RRAGD: variants seen among roughly 807,000 people sequenced by gnomAD.
RRAGD encodes Ras related GTP binding D.
Under a neutral mutation model 35.5 loss-of-function variants are expected in RRAGD, and 12 were observed. The ratio of observed to expected loss-of-function variants is 0.34; its 90% CI spans 0.22 to 0.55. RRAGD has a LOEUF of 0.55. Among genes scored for constraint, RRAGD ranks in the 20% least tolerant of loss-of-function variants. RRAGD has a pLI of 0.91. For synonymous variants in RRAGD, 155 were observed against 178.9 expected, an observed-to-expected ratio of 0.87 and a Z score of 1.07; for missense variants, 324 against 490.1, an observed-to-expected ratio of 0.66 and a Z score of 3.20.
chr6:89,398,854 GCTGT>G (rs1372680256), intron 1 of RRAGD, among the ~76,000 whole-genome samples: 2 of 152,088 alleles, frequency 1.3e-5, no homozygotes, highest in Non-Finnish European at 1.5e-5. Context: ...CCACCAATCA[GCTGT>G]CTGTCACATT....
chr6:89,401,937 T>TCTTTGAAG (rs1402037256), intron 1 of RRAGD, among the ~76,000 whole-genome samples: 14 of 151,864 alleles, frequency 9.2e-5, no homozygotes, highest in Middle Eastern at 3.4e-3. Flanking sequence ...TCAATACATA[T>TCTTTGAAG]CTTTGAAGAA....
intron 1 of RRAGD, among the ~76,000 whole-genome samples, chr6:89,394,626 A>G (rs1021488234): frequency 1.3e-5 from 2 of 152,250 alleles, no homozygotes; most frequent in African/African-American, 4.8e-5. Flanking sequence ...CAATGTAATC[A>G]GCAATGGAAA....
chr6:89,399,474 G>A (rs2127895798), intron 1 of RRAGD, among the ~76,000 whole-genome samples: 1 of 152,278 alleles, frequency 6.6e-6, no homozygotes. Context: ...TAGGGTGTAT[G>A]GAAATACGCT....
intron 1 of RRAGD, among the ~76,000 whole-genome samples, chr6:89,398,655 A>G (rs897867275): frequency 2.0e-5 from 3 of 152,278 alleles, no homozygotes; most frequent in Non-Finnish European, 2.9e-5. Context: ...ACTCATGGCT[A>G]TCATGTATGA....
intron 3 of RRAGD, 69 bp downstream of exon 3, chr6:89,380,099 G>A: frequency 4.9e-6 from 7 of 1,417,548 alleles, no homozygotes; most frequent in Non-Finnish European, 7.0e-6. Context: ...GCCAATCATG[G>A]TGACTCCGAA....
At chr6:89,392,241 A>C (rs1236074984) in intron 1 of RRAGD, among the ~76,000 whole-genome samples, 1 of 152,148 alleles carries the variant, frequency 6.6e-6, no homozygotes, top group Non-Finnish European at 1.5e-5. Context: ...TGGAAGGCTG[A>C]GGTGGGAGGA....
At chr6:89,390,620 G>A (rs1769215703) in intron 1 of RRAGD, among the ~76,000 whole-genome samples, 1 of 152,200 alleles carries the variant, frequency 6.6e-6, no homozygotes, top group Non-Finnish European at 1.5e-5. Flanking sequence ...AACATAGGCT[G>A]GGCATGGTGG....
chr6:89,387,695 C>T (rs1582513637), intron 1 of RRAGD, 105 bp from the exon 2 acceptor site: 2 of 1,110,824 alleles, frequency 1.8e-6, no homozygotes, highest in Non-Finnish European at 2.6e-6. Context: ...ACAGATGATG[C>T]CACTCTTCCA....
chr6:89,411,642 C>T lies in RRAGD; in HGVS notation c.148+204G>A, dbSNP rs1769695700. ...TCCCCTTTTCCACCGATCCTGGTTG[C>T]CCCTCCGCCACCAGCACCGCGCTCC... On this transcript the variant is annotated intron_variant, in intron 1 of 6. Coordinates refer to ENST00000369415, the MANE Select transcript of RRAGD (RefSeq NM_021244.5). This position sits in a 1 kb window ranked among gnomAD's most constrained non-coding sequence, Gnocchi z 5.6. The T allele has an allele frequency of 3.4e-6, 2 of 591,458 alleles. No homozygotes were observed. Among genetic ancestry groups the T allele is most frequent in the Non-Finnish European group, 5.9e-6 (2 of 341,828 alleles). 36.6% of individuals were successfully genotyped at this position (591,458 alleles called of 1,614,324 possible).
chr6:89,380,512 C>G, intron 2 of RRAGD, 145 bp from the exon 3 acceptor site: 1 of 653,228 alleles, frequency 1.5e-6, no homozygotes. Flanking sequence ...TCTTATAATT[C>G]CAGTGTGAAA....
intron 2 of RRAGD, among the ~76,000 whole-genome samples, chr6:89,382,114 G>A (rs1769053905): frequency 6.6e-6 from 1 of 151,676 alleles, no homozygotes; most frequent in South Asian, 2.1e-4. Flanking sequence ...AAAACAGAAA[G>A]CCAATATAAT....
At chr6:89,371,762 A>G (rs1462819685) in intron 6 of RRAGD, among the ~76,000 whole-genome samples, 3 of 152,176 alleles carry the variant, frequency 2.0e-5, no homozygotes, top group Non-Finnish European at 2.9e-5. Context: ...GTCCCTAGCC[A>G]TATCAGTAAG....
intron 1 of RRAGD, among the ~76,000 whole-genome samples, chr6:89,406,391 A>C (rs1295312500): frequency 6.6e-6 from 1 of 152,172 alleles, no homozygotes; most frequent in Non-Finnish European, 1.5e-5. Context: ...CAGAAACCCA[A>C]GACCCAAGCA....
chr6:89,368,894 A>AT lies in RRAGD; in HGVS notation c.1052-688dup, dbSNP rs565870593. Among the ~76,000 whole-genome samples the AT allele has an allele frequency of 1.7e-3, 254 of 152,318 alleles. 1 individual carries two copies. The highest frequency in any genetic ancestry group is 5.8e-3 in the African/African-American group (241 of 41,564). On this transcript the variant is annotated intron_variant, in intron 6 of 6. Coordinates refer to ENST00000369415, the MANE Select transcript of RRAGD (RefSeq NM_021244.5). ...GATAATCCAAAGTCTTGATGAGTGC[A>AT]TTTTTCATCATTACTAGTAATTTGT...
intron 2 of RRAGD, among the ~76,000 whole-genome samples, chr6:89,386,154 C>T (rs1769133746): frequency 6.6e-6 from 1 of 152,160 alleles, no homozygotes; most frequent in African/African-American, 2.4e-5. Context: ...ATTTATTTCC[C>T]CCCAGCTGCA....
At chr6:89,380,555 A>G (rs1401343795) in intron 2 of RRAGD, among the ~76,000 whole-genome samples, 188 bp from the exon 3 acceptor site, 2 of 152,302 alleles carry the variant, frequency 1.3e-5, no homozygotes, top group East Asian at 3.9e-4. Flanking sequence ...GAGGAAGAAG[A>G]AAGGCTAAAA....
chr6:89,376,106 T>C (rs1375283995), intron 5 of RRAGD, among the ~76,000 whole-genome samples: 1 of 152,184 alleles, frequency 6.6e-6, no homozygotes, highest in African/African-American at 2.4e-5. Flanking sequence ...TTAAAAATAA[T>C]AGAATGCTTC....
intron 1 of RRAGD, among the ~76,000 whole-genome samples, chr6:89,410,945 T>C (rs952323027): frequency 6.6e-6 from 1 of 152,206 alleles, no homozygotes; most frequent in Non-Finnish European, 1.5e-5. Flanking sequence ...CCGCTTTCTA[T>C]TGACCTTTCC....
In RRAGD at chr6:89,377,534, C is replaced by CT. The variant is rs1391992073; in HGVS notation, c.902+136dup. 5.5e-6 allele frequency: 4 copies of CT among 726,006 alleles called. No homozygotes were observed. The African/African-American group carries it at 5.5e-5, about 10-fold the overall frequency. The allele number at this position is 726,006 out of a possible 1,614,324, so 45.0% of individuals were successfully genotyped here. On this transcript the variant is annotated intron_variant, in intron 5 of 6. Coordinates refer to ENST00000369415, the MANE Select transcript of RRAGD (RefSeq NM_021244.5). ...AATAACTGTTATTATTGCATGCTAA[C>CT]TGGTATATTTATTTATAGATTTCAG...
Sources: gnomAD v4.1 joint callset for allele counts (sites outside exome capture counted in the v4.1 genomes callset) on GRCh38, gnomAD v4.1.1 for gene constraint, Gnocchi (gnomAD v3.1) non-coding constraint, MANE v1.5 for transcripts, NCBI Gene and HGNC (gene_info 2026-07-23, HGNC 2026-07-21) for gene names.